Variants in CLK4 observed in about 807,000 individuals in gnomAD.
CLK4 encodes the protein CDC like kinase 4.
In CLK4, 37 loss-of-function variants were observed where a neutral mutation model predicts 64.4. The observed-to-expected ratio is 0.57, with a 90% CI of 0.44 to 0.76. CLK4 has a LOEUF of 0.76. CLK4 is among the 30% of genes least tolerant of loss of function. The probability of loss-of-function intolerance (pLI) is 0.00; values close to 1 mark genes in which losing one functional copy is unlikely to be tolerated. For synonymous variants in CLK4, 175 were observed against 191.6 expected (o/e 0.91, Z 0.72); for missense variants, 457 against 605.1 (o/e 0.76, Z 2.57).
rs1387632481 is a variant in CLK4, at chr5:178,623,276, G to C, written c.141C>G (p.His47Gln). The C allele has an allele frequency of 1.2e-6, 2 of 1,613,590 alleles. No homozygotes were observed. Among genetic ancestry groups the C allele is most frequent in the African/African-American group, 2.7e-5 (2 of 74,876 alleles). The stretch of plus-strand genomic sequence containing the variant: ...TTTACCAATCAGATTCTTTAAACTG[G>C]TGATGTGGTTTACAATGCCTGTTCT... ...TQENRHCKPH[H>Q]QFKESDCHYL... Residue 47 changes from histidine (H) to glutamine (Q), a missense_variant, in exon 2 of 13, where the codon CAC (histidine) becomes CAG (glutamine). Transcript: ENST00000316308.
chr5:178,615,043 G>A (rs958630175), intron 5 of CLK4, among the ~76,000 whole-genome samples: 1 of 152,140 alleles, frequency 6.6e-6, no homozygotes, highest in African/African-American at 2.4e-5. Context: ...AAACATTCCA[G>A]GCCAGATGTG....
chr5:178,612,117 T>A (rs1764565699), intron 9 of CLK4, among the ~76,000 whole-genome samples: 2 of 151,976 alleles, frequency 1.3e-5, no homozygotes, highest in Non-Finnish European at 2.9e-5. Flanking sequence ...TAGGTACTCA[T>A]ATAACTTCAA....
chr5:178,621,010 T>C (rs962616839), intron 2 of CLK4, among the ~76,000 whole-genome samples: 2 of 152,190 alleles, frequency 1.3e-5, no homozygotes, highest in African/African-American at 4.8e-5. Context: ...AGAGATGGAA[T>C]TGTCTATGCA....
chr5:178,613,356 G>C (rs769454741), intron 7 of CLK4, 117 bp downstream of exon 7: 81 of 629,916 alleles, frequency 1.3e-4, no homozygotes, highest in Admixed American at 1.7e-4. Flanking sequence ...GGGAGGCTGA[G>C]CTTGCTGGGA....
chr5:178,624,864 A>G (rs1375355056), intron 1 of CLK4, among the ~76,000 whole-genome samples: 2 of 152,190 alleles, frequency 1.3e-5, no homozygotes, highest in Non-Finnish European at 2.9e-5. Flanking sequence ...GGTATTCCAC[A>G]AGAAAGTATG....
At chr5:178,614,484 C>T (rs1764600864) in intron 5 of CLK4, among the ~76,000 whole-genome samples, 1 of 152,230 alleles carries the variant, frequency 6.6e-6, no homozygotes, top group Admixed American at 6.5e-5. Context: ...TAGACTGCGG[C>T]ATCTGTAAGA....
At chr5:178,606,796 T>C (rs550086157) in intron 10 of CLK4, among the ~76,000 whole-genome samples, 29 of 151,884 alleles carry the variant, frequency 1.9e-4, no homozygotes, top group Non-Finnish European at 2.9e-4. Context: ...AACCCTCTAC[T>C]AAAAATACAA....
chr5:178,608,551 A>G, intron 9 of CLK4, 93 bp from the exon 10 acceptor site: 1 of 854,172 alleles, frequency 1.2e-6, no homozygotes, highest in South Asian at 1.8e-5. Context: ...CCCTTTACAG[A>G]ACCCATTTGG....
In CLK4 at chr5:178,616,875, A is replaced by C. The variant is rs768489457; in HGVS notation, c.542+7T>G. Reference sequence around the variant, plus strand: ...CAGAATGTTTGAAAAGGAAAAAACAAACTTACATGCCATGATCAATGCACT... The same window carrying C: ...CAGAATGTTTGAAAAGGAAAAAACACACTTACATGCCATGATCAATGCACT... On this transcript the variant is annotated splice_region_variant and intron_variant, in intron 5 of 12. Coordinates refer to ENST00000316308, the MANE Select transcript of CLK4 (RefSeq NM_020666.3). The C allele has an allele frequency of 6.2e-7, 1 of 1,604,886 alleles. No homozygotes were observed. Among genetic ancestry groups the C allele is most frequent in the Non-Finnish European group, 8.5e-7 (1 of 1,173,304 alleles).
intron 7 of CLK4, 67 bp from the exon 8 acceptor site, chr5:178,612,957 AG>A: frequency 1.3e-6 from 1 of 796,902 alleles, no homozygotes; most frequent in Admixed American, 2.2e-5. Flanking sequence ...GAGGGAAAGG[AG>A]GACTGGCAAA....
At chr5:178,626,615 T>C (rs1764785006) in intron 1 of CLK4, among the ~76,000 whole-genome samples, 1 of 152,182 alleles carries the variant, frequency 6.6e-6, no homozygotes, top group South Asian at 2.1e-4. Flanking sequence ...TCGAAGGGTC[T>C]CCCGACAGGT....
Position 178,617,681 on chromosome 5 carries a change from G to GA in CLK4, c.385-248dup, listed in dbSNP as rs1255978510. On this transcript the variant is annotated intron_variant, in intron 3 of 12. Coordinates refer to ENST00000316308, the MANE Select transcript of CLK4 (RefSeq NM_020666.3). This position sits in a 1 kb window ranked among gnomAD's most constrained non-coding sequence, Gnocchi z 5.2. ...AGATAAGATACTTAAAGTGGCAATA[G>GA]AAAAAAACAACACAATTGTCTCTTT... is the stretch of plus-strand genomic sequence containing the variant. The GA allele has an allele frequency of 1.7e-5, 5 of 300,398 alleles. No homozygotes were observed. In the East Asian group the frequency reaches 2.4e-4, roughly 14 times the overall value. 18.6% of individuals were successfully genotyped at this position (300,398 alleles called of 1,614,324 possible).
intron 1 of CLK4, among the ~76,000 whole-genome samples, chr5:178,625,926 AAAAAG>A (rs1331159485): frequency 2.0e-5 from 3 of 152,234 alleles, no homozygotes; most frequent in African/African-American, 7.2e-5. Context: ...CGCATACATA[AAAAAG>A]AAAAGCTATC....
Position 178,608,533 on chromosome 5 carries a change from T to A in CLK4, c.1052-75A>T, listed in dbSNP as rs555411303. 3.2e-5 allele frequency: 34 copies of A among 1,069,208 alleles called. No homozygotes were observed. The East Asian group carries it at 6.8e-4, about 21-fold the overall frequency. The allele number at this position is 1,069,208 out of a possible 1,614,324, so 66.2% of individuals were successfully genotyped here. On this transcript the variant is annotated intron_variant, in intron 9 of 12. Coordinates refer to ENST00000316308, the MANE Select transcript of CLK4 (RefSeq NM_020666.3). ...ACAGTACATTAAATCCTTCCCTATATGAGTGCTCCCTTTACAGAACCCATT... is the reference window on the plus strand; with the variant it reads ...ACAGTACATTAAATCCTTCCCTATAAGAGTGCTCCCTTTACAGAACCCATT...
rs1764647349 is a variant in CLK4, at chr5:178,617,943, T to C, written c.385-509A>G. On this transcript the variant is annotated intron_variant, in intron 3 of 12. Coordinates refer to ENST00000316308, the MANE Select transcript of CLK4 (RefSeq NM_020666.3). The surrounding 1 kb of genome is among the most constrained non-coding windows in gnomAD (Gnocchi z 5.2). ...TTTCAATGTTCAATCTAATAAAAAC[T>C]AGTTTTACTGAAGAAAACTTGGGGA... is the stretch of plus-strand genomic sequence containing the variant. 1 of 152,098 alleles carries C rather than the reference T, an allele frequency of 6.6e-6. No homozygotes were observed. The highest frequency in any genetic ancestry group is 2.4e-5 in the African/African-American group (1 of 41,384). 9.4% of individuals were successfully genotyped at this position (152,098 alleles called of 1,614,324 possible).
intron 9 of CLK4, among the ~76,000 whole-genome samples, chr5:178,609,486 G>T (rs1330248091): frequency 1.3e-4 from 19 of 151,984 alleles, no homozygotes; most frequent in African/African-American, 2.2e-4. Flanking sequence ...TTCGAGACCA[G>T]TCTGACCAAC....
At chr5:178,611,335 T>A (rs1764554239) in intron 9 of CLK4, among the ~76,000 whole-genome samples, 1 of 152,222 alleles carries the variant, frequency 6.6e-6, no homozygotes, top group Non-Finnish European at 1.5e-5. Context: ...GAAACCCTAT[T>A]ATTACGCATT....
At chr5:178,616,982 C>T (rs1362491623) in intron 4 of CLK4, 34 bp from the exon 5 acceptor site, 2 of 1,424,174 alleles carry the variant, frequency 1.4e-6, no homozygotes, top group Non-Finnish European at 2.0e-6. Context: ...GTGTAAGTAC[C>T]TGAGTACAAA....
rs1764407134 is a variant in CLK4 at position 178,602,893 on chromosome 5, C to T, written c.*724G>A. 1 of 152,126 alleles carries T rather than the reference C, an allele frequency of 6.6e-6. No homozygotes were observed. Among genetic ancestry groups the T allele is most frequent in the Admixed American group, 6.5e-5 (1 of 15,276 alleles). 9.4% of individuals were successfully genotyped at this position (152,126 alleles called of 1,614,324 possible). The stretch of plus-strand genomic sequence containing the variant: ...AAGGACTTGGTATTAAAAACTGAAA[C>T]CTCTCATCAGAATTTCTATTTTTAT... On this transcript the variant is annotated 3_prime_UTR_variant, in exon 13 of 13. Coordinates refer to ENST00000316308, the MANE Select transcript of CLK4 (RefSeq NM_020666.3).
Sources: gnomAD v4.1 joint callset for allele counts (sites outside exome capture counted in the v4.1 genomes callset) on GRCh38, gnomAD v4.1.1 for gene constraint, Gnocchi (gnomAD v3.1) non-coding constraint, MANE v1.5 for transcripts, NCBI Gene and HGNC (gene_info 2026-07-23, HGNC 2026-07-21) for gene names.